ERBB4: variants seen among roughly 807,000 people sequenced by gnomAD.
ERBB4 encodes receptor tyrosine-protein kinase erbB-4.
A neutral mutation model predicts 158.0 loss-of-function variants in ERBB4; 42 were observed. The observed-to-expected ratio is 0.27, with a 90% confidence interval of 0.21 to 0.34. The LOEUF (loss-of-function observed/expected upper bound fraction) is 0.34. Ranked by LOEUF, ERBB4 falls within the 10% of genes least tolerant of loss-of-function variation. ERBB4 has a pLI of 1.00. For missense variants in ERBB4, 1,333 were observed against 1,624.1 expected, an observed-to-expected ratio of 0.82 and a Z score of 3.08; for synonymous variants, 583 against 558.7, an observed-to-expected ratio of 1.04 and a Z score of -0.61.
chr2:211,635,429 C>T (rs758824065), intron 16 of ERBB4, among the ~76,000 whole-genome samples: 2 of 152,152 alleles, frequency 1.3e-5, no homozygotes, highest in Non-Finnish European at 2.9e-5. Context: ...AAAAGAGCAG[C>T]ATCTTTCCAA....
chr2:211,543,694 T>C (rs916696855), intron 20 of ERBB4, among the ~76,000 whole-genome samples: 20 of 151,844 alleles, frequency 1.3e-4, no homozygotes, highest in Admixed American at 1.3e-4. Context: ...CATAGGAGAA[T>C]TTCACAGCCA....
chr2:211,581,325 T>A (rs577755794), intron 19 of ERBB4, among the ~76,000 whole-genome samples: 1 of 152,048 alleles, frequency 6.6e-6, no homozygotes, highest in South Asian at 2.1e-4. Context: ...AGAAAAACAT[T>A]ACATTTTAAT....
chr2:212,178,458 A>C (rs1201854150), intron 1 of ERBB4, among the ~76,000 whole-genome samples: 1 of 151,728 alleles, frequency 6.6e-6, no homozygotes, highest in Non-Finnish European at 1.5e-5. Flanking sequence ...TTGATGATGA[A>C]TCAAATATAT....
At chr2:212,213,619 A>G (rs555460961) in intron 1 of ERBB4, among the ~76,000 whole-genome samples, 1 of 152,008 alleles carries the variant, frequency 6.6e-6, no homozygotes, top group East Asian at 1.9e-4. Flanking sequence ...ATATTAGTAC[A>G]ATGCTAAAGT....
chr2:212,521,687 T>A (rs1348956618), intron 1 of ERBB4, among the ~76,000 whole-genome samples: 2 of 151,930 alleles, frequency 1.3e-5, no homozygotes, highest in African/African-American at 2.4e-5. Context: ...TTCACAACTA[T>A]GAGGTTAACA....
intron 1 of ERBB4, among the ~76,000 whole-genome samples, chr2:212,296,639 G>A (rs1175192721): frequency 6.6e-6 from 1 of 151,912 alleles, no homozygotes; most frequent in Non-Finnish European, 1.5e-5. Flanking sequence ...CCATAACTCT[G>A]CAGGCTGACC....
At chr2:212,389,657 C>T (rs954246835) in intron 1 of ERBB4, among the ~76,000 whole-genome samples, 12 of 152,006 alleles carry the variant, frequency 7.9e-5, no homozygotes, top group African/African-American at 2.9e-4. Context: ...CAAGTCTCCA[C>T]GGAATTTGTG....
chr2:212,113,540 C>T (rs1484285008), intron 2 of ERBB4, among the ~76,000 whole-genome samples: 2 of 132,852 alleles, frequency 1.5e-5, no homozygotes, highest in African/African-American at 5.7e-5. Context: ...TGCCACCGCA[C>T]TCCAGCCTCA....
intron 1 of ERBB4, among the ~76,000 whole-genome samples, chr2:212,353,148 G>C (rs2089324695): frequency 6.6e-6 from 1 of 151,810 alleles, no homozygotes; most frequent in Non-Finnish European, 1.5e-5. Context: ...AATTGTTTTT[G>C]TTAGGCTTTG....
intron 20 of ERBB4, among the ~76,000 whole-genome samples, chr2:211,554,915 A>G (rs1017932038): frequency 3.9e-5 from 6 of 152,244 alleles, no homozygotes; most frequent in Admixed American, 2.0e-4. Flanking sequence ...ACAAAAACAG[A>G]AACACCTCAC....
chr2:211,725,255 G>T, intron 5 of ERBB4, 61 bp from the exon 6 acceptor site: 1 of 1,257,778 alleles, frequency 8.0e-7, no homozygotes, highest in Non-Finnish European at 1.2e-6. Flanking sequence ...CTCATAAGCT[G>T]AGTTCTGGAG....
rs267599191 is a variant in ERBB4 at position 211,623,993 on chromosome 2, G to C, written c.2131C>G (p.Arg711Gly). 2.5e-6 allele frequency: 4 copies of C among 1,614,030 alleles called. No homozygotes were observed. Among genetic ancestry groups the C allele is most frequent in the Non-Finnish European group, 2.5e-6 (3 of 1,179,946 alleles). ...TTCAGCTCAGTTTCTTTCAAAATACGAAGTTGAGCTTGATTGGGTGCTGTG... is the reference window on the plus strand; with the variant it reads ...TTCAGCTCAGTTTCTTTCAAAATACCAAGTTGAGCTTGATTGGGTGCTGTG... ...SGTAPNQAQL[R>G]ILKETELKRV... The change falls in exon 18 of 28, where the codon CGT becomes GGT. Residue 711 changes from arginine (R) to glycine (G), a missense_variant. Transcript: ENST00000342788.
chr2:211,657,677 C>T (rs1316881957), intron 16 of ERBB4, 77 bp downstream of exon 16: 10 of 1,093,582 alleles, frequency 9.1e-6, no homozygotes, highest in Non-Finnish European at 1.3e-5. Flanking sequence ...TAAATTTAAC[C>T]CAACTGGTTA....
intron 19 of ERBB4, among the ~76,000 whole-genome samples, chr2:211,587,197 A>G (rs2068308838): frequency 6.6e-6 from 1 of 151,850 alleles, no homozygotes; most frequent in Admixed American, 6.6e-5. Context: ...TACTTACAAA[A>G]AAAAAAAAAA....
At chr2:211,499,472 G>A (rs142677852) in intron 20 of ERBB4, among the ~76,000 whole-genome samples, 15 of 152,066 alleles carry the variant, frequency 9.9e-5, no homozygotes, top group East Asian at 3.9e-4. Context: ...GCAGTGAGCC[G>A]AGATAGCGCC....
At chr2:211,640,341 T>G (rs532385077) in intron 16 of ERBB4, among the ~76,000 whole-genome samples, 16 of 152,070 alleles carry the variant, frequency 1.1e-4, no homozygotes, top group Non-Finnish European at 1.9e-4. Context: ...CTACTGAAGA[T>G]TTGAATGAAG....
intron 1 of ERBB4, among the ~76,000 whole-genome samples, chr2:212,342,240 T>A (rs2088756832): frequency 6.6e-6 from 1 of 152,190 alleles, no homozygotes; most frequent in African/African-American, 2.4e-5. Flanking sequence ...GATTTGGCTG[T>A]GTCCCAACTC....
intron 20 of ERBB4, among the ~76,000 whole-genome samples, chr2:211,517,547 C>CT (rs2066070262): frequency 6.6e-6 from 1 of 151,998 alleles, no homozygotes. Flanking sequence ...GGTGAGATAG[C>CT]TTTTTTCCTT....
intron 3 of ERBB4, among the ~76,000 whole-genome samples, chr2:211,820,057 A>G (rs1354908303): frequency 6.6e-6 from 1 of 151,948 alleles, no homozygotes; most frequent in East Asian, 1.9e-4. Flanking sequence ...GAAATGTTTC[A>G]CATTCAAATC....
Sources: gnomAD v4.1 joint callset for allele counts (sites outside exome capture counted in the v4.1 genomes callset) on GRCh38, gnomAD v4.1.1 for gene constraint, MANE v1.5 for transcripts, NCBI Gene and HGNC (gene_info 2026-07-23, HGNC 2026-07-21) for gene names.